Variants in SERINC2 observed in about 807,000 individuals in gnomAD.
The protein encoded by SERINC2 is serine incorporator 2.
A neutral mutation model predicts 54.2 loss-of-function variants in SERINC2; 56 were observed. The observed-to-expected ratio is 1.03, with a 90% CI of 0.83 to 1.29. The LOEUF is 1.29. SERINC2 is among the 50% of genes most tolerant of loss of function. The probability of loss-of-function intolerance (pLI) is 0.00; values close to 1 mark genes in which losing one functional copy is unlikely to be tolerated. For missense variants in SERINC2, 614 were observed against 607.4 expected (o/e 1.01, Z -0.12); for synonymous variants, 272 against 253.1 (o/e 1.07, Z -0.71).
intron 1 of SERINC2, among the ~76,000 whole-genome samples, chr1:31,415,397 C>T (rs781828917): frequency 6.6e-6 from 1 of 152,176 alleles, no homozygotes; most frequent in African/African-American, 2.4e-5. Context: ...GGTACTGTTC[C>T]GAGCCCCTCA....
At chr1:31,433,211 GA>G (rs781964391) in intron 9 of SERINC2, 26 bp downstream of exon 9, 1 of 1,589,360 alleles carries the variant, frequency 6.3e-7, no homozygotes, top group Non-Finnish European at 8.6e-7. Flanking sequence ...GGCATGGACA[GA>G]GCCCGGAGGT....
chr1:31,429,009 C>A lies in SERINC2; in HGVS notation c.812C>A (p.Ala271Asp). ...DAQPNSGLLQ[A>D]SVITLYTMFV... ...CAGCCCAACTCGGGTCTGCTGCAGGCCTCGGTCATCACCCTCTACACCATG... is the reference window on the plus strand; with the variant it reads ...CAGCCCAACTCGGGTCTGCTGCAGGACTCGGTCATCACCCTCTACACCATG... The change falls in exon 7 of 10, where the codon GCC (alanine) becomes GAC (aspartate). Residue 271 changes from alanine (A) to aspartate (D), a missense_variant. By Grantham distance (126) the Ala-to-Asp change is moderately radical (BLOSUM62 -2). Coordinates refer to ENST00000373709, the MANE Select transcript of SERINC2 (RefSeq NM_178865.5). 6.2e-7 allele frequency: 1 copy of A among 1,614,008 alleles called. No homozygotes were observed. Among genetic ancestry groups the A allele is most frequent in the Non-Finnish European group, 8.5e-7 (1 of 1,179,988 alleles).
chr1:31,413,935 C>T lies in SERINC2; in HGVS notation c.39+631C>T. On this transcript the variant is annotated intron_variant, in intron 1 of 9. Coordinates refer to ENST00000373709, the MANE Select transcript of SERINC2 (RefSeq NM_178865.5). This position sits in a 1 kb window ranked among gnomAD's most constrained non-coding sequence, Gnocchi z 5.0. Reference sequence around the variant, plus strand: ...AGTCTCTCTGCGGTCCCTTTACCGTCCTCAGTCTGGCTCGCGCTGCCTCTC... The same window carrying T: ...AGTCTCTCTGCGGTCCCTTTACCGTTCTCAGTCTGGCTCGCGCTGCCTCTC... 3 of 1,522,732 alleles carry T rather than the reference C, an allele frequency of 2.0e-6. No individual in the cohort carries two copies. In the South Asian group the frequency reaches 3.6e-5, roughly 18 times the overall value. The allele number at this position is 1,522,732 out of a possible 1,614,324, so 94.3% of individuals were successfully genotyped here.
At position 31,423,973 on chromosome 1, in the gene SERINC2, A is replaced by G. The variant is rs1640966913; in HGVS notation, c.201+119A>G. 13 of 922,876 alleles carry G rather than the reference A, an allele frequency of 1.4e-5. 1 individual carries two copies. In the South Asian group the frequency reaches 1.4e-4, roughly 10 times the overall value. 57.2% of individuals were successfully genotyped at this position (922,876 alleles called of 1,614,324 possible). ...AAGAGGAGGCAGGGTGTTTGGGTGC[A>G]CTGATGATCTGAGGTTGGAAATGAG... On this transcript the variant is annotated intron_variant, in intron 2 of 9. Coordinates refer to ENST00000373709, the MANE Select transcript of SERINC2 (RefSeq NM_178865.5).
chr1:31,413,669 G>A lies in SERINC2; in HGVS notation c.39+365G>A, dbSNP rs1640701013. ...TCGCCCCACTTGGGGCGGTCCTCGG[G>A]GTGGCCTCTGTCCCCGTCCCGGACG... On this transcript the variant is annotated intron_variant, in intron 1 of 9. Transcript: ENST00000373709. This position sits in a 1 kb window ranked among gnomAD's most constrained non-coding sequence, Gnocchi z 5.0. 3.5e-6 allele frequency: 3 copies of A among 847,370 alleles called. No homozygotes were observed. Among genetic ancestry groups the A allele is most frequent in the Non-Finnish European group, 4.7e-6 (3 of 639,138 alleles). The allele number at this position is 847,370 out of a possible 1,614,324, so 52.5% of individuals were successfully genotyped here.
Position 31,425,758 on chromosome 1 carries a change from TCC to T in SERINC2, c.473-15_473-14del, listed in dbSNP as rs535704963. 9,957 of 1,610,696 alleles carry T rather than the reference TCC, an allele frequency of 6.2e-3. 110 individuals are homozygous for T. The highest frequency in any genetic ancestry group is 0.024 in the Middle Eastern group (119 of 4,950). ...GAGAGAGGGACCCTCCTCGCCTCAC[TCC>T]CCTCTCCCCACCCAGTCTGGTTCTA... On this transcript the variant is annotated splice_polypyrimidine_tract_variant and intron_variant, in intron 4 of 9. Coordinates refer to ENST00000373709, the MANE Select transcript of SERINC2 (RefSeq NM_178865.5).
chr1:31,413,201 C>T, upstream of SERINC2: 1 of 1,057,942 alleles, frequency 9.5e-7, no homozygotes, highest in Non-Finnish European at 1.1e-6. The surrounding 1 kb of genome is among the most constrained non-coding windows in gnomAD (Gnocchi z 5.0). Context: ...CCAGGCCCGG[C>T]ACCCGGATCC....
chr1:31,426,369 C>T (rs1641041808), intron 5 of SERINC2, among the ~76,000 whole-genome samples: 1 of 152,142 alleles, frequency 6.6e-6, no homozygotes. Flanking sequence ...ACAGGGAGGG[C>T]AGGTCAACAG....
At chr1:31,429,105 G>C (rs532126189) in intron 7 of SERINC2, 37 bp downstream of exon 7, 3 of 1,554,136 alleles carry the variant, frequency 1.9e-6, no homozygotes, top group Admixed American at 3.3e-5. Context: ...GCCTGGCCTC[G>C]TTCCTGGGTC....
At position 31,413,887 on chromosome 1, in the gene SERINC2, G is replaced by T. The variant is rs2148509878; in HGVS notation, c.39+583G>T. ...TCCGTCTGCTGTCTTCTGTCCGTCT[G>T]CCCGTCCGCCCGTCCGTCCCTCAGT... On this transcript the variant is annotated intron_variant, in intron 1 of 9. Coordinates refer to ENST00000373709, the MANE Select transcript of SERINC2 (RefSeq NM_178865.5). The surrounding 1 kb of genome is among the most constrained non-coding windows in gnomAD (Gnocchi z 5.0). 5 of 1,442,812 alleles carry T rather than the reference G, an allele frequency of 3.5e-6. No individual in the cohort carries two copies. The East Asian group carries it at 8.8e-5, about 25-fold the overall frequency. The allele number at this position is 1,442,812 out of a possible 1,614,324, so 89.4% of individuals were successfully genotyped here.
chr1:31,415,980 A>G, intron 1 of SERINC2: 1 of 906,742 alleles, frequency 1.1e-6, no homozygotes, highest in Non-Finnish European at 1.3e-6. Flanking sequence ...CCGCCGGCAC[A>G]TGATGACTTG....
At chr1:31,421,738 G>A (rs1640905667) in intron 1 of SERINC2, among the ~76,000 whole-genome samples, 1 of 152,158 alleles carries the variant, frequency 6.6e-6, no homozygotes. Flanking sequence ...CCCTCGAGTG[G>A]GTGCCCACCG....
intron 8 of SERINC2, among the ~76,000 whole-genome samples, chr1:31,431,810 TGGACAGGG>T (rs1641226042): frequency 6.9e-6 from 1 of 145,038 alleles, no homozygotes; most frequent in African/African-American, 2.5e-5. Flanking sequence ...GTGGACAGGG[TGGACAGGG>T]TGGATAGGGT....
At chr1:31,410,421 G>A (rs782812778), upstream of SERINC2, 85 of 1,549,796 alleles carry the variant, frequency 5.5e-5, 1 homozygote, top group South Asian at 3.5e-4. Flanking sequence ...GGAGTCACCC[G>A]GACCCAGCCA....
In SERINC2 at chr1:31,434,529, A is replaced by G. The variant is rs1405900726; in HGVS notation, c.*330A>G. The stretch of plus-strand genomic sequence containing the variant: ...CCACGGGAGCGGGGCTGCTGGAGAG[A>G]GCGGGGAACTCCCACCACAGTGGGG... On this transcript the variant is annotated 3_prime_UTR_variant, in exon 10 of 10. Transcript: ENST00000373709. The G allele has an allele frequency of 1.5e-5, 5 of 323,554 alleles. No homozygotes were observed. Among genetic ancestry groups the G allele is most frequent in the Non-Finnish European group, 2.9e-5 (5 of 173,662 alleles). The allele number at this position is 323,554 out of a possible 1,614,324, so 20.0% of individuals were successfully genotyped here.
rs1557500371 is a variant in SERINC2 at position 31,431,941 on chromosome 1, AGGGTGGTTAGGG to A, written c.1014-1025_1014-1014del. On this transcript the variant is annotated intron_variant, in intron 8 of 9. Coordinates refer to ENST00000373709, the MANE Select transcript of SERINC2 (RefSeq NM_178865.5). Reference sequence around the variant, plus strand: ...GGTGGTTAGGGTGGATAGGGTGGTTAGGGTGGTTAGGGTGGTTAGGGTGGATAGGGTGGATAG... The same window carrying A: ...GGTGGTTAGGGTGGATAGGGTGGTTATGGTTAGGGTGGATAGGGTGGATAG... Among the ~76,000 whole-genome samples the A allele has an allele frequency of 1.2e-3, 144 of 125,030 alleles. 7 individuals are homozygous for A. Among genetic ancestry groups the A allele is most frequent in the Middle Eastern group, 9.0e-3 (2 of 222 alleles). The allele number at this position is 125,030 out of a possible 152,430, so 82.0% of individuals were successfully genotyped here.
In SERINC2 at chr1:31,413,989, T is replaced by C. The variant is rs1461862253; in HGVS notation, c.39+685T>C. The C allele has an allele frequency of 5.2e-6, 8 of 1,528,928 alleles. No homozygotes were observed. The African/African-American group carries it at 1.1e-4, about 21-fold the overall frequency. 94.7% of individuals were successfully genotyped at this position (1,528,928 alleles called of 1,614,324 possible). ...CACTTCCCCAGCTCGCCCCGGATCA[T>C]CTGGGCCCCAGCGCGGAGACTGGGA... On this transcript the variant is annotated intron_variant, in intron 1 of 9. Transcript: ENST00000373709. This position sits in a 1 kb window ranked among gnomAD's most constrained non-coding sequence, Gnocchi z 5.0.
chr1:31,426,118 A>T (rs782663424), intron 5 of SERINC2: 18 of 577,108 alleles, frequency 3.1e-5, no homozygotes, highest in Non-Finnish European at 4.5e-5. Context: ...AGGAGAGCTG[A>T]CCTGGAGAGG....
At chr1:31,409,787 GCGAAGCCCAA>G, upstream of SERINC2, 2 of 1,545,366 alleles carry the variant, frequency 1.3e-6, no homozygotes, top group Non-Finnish European at 1.8e-6. Context: ...AGTACAGACA[GCGAAGCCCAA>G]GGGATAGGAG....
Sources: allele counts gnomAD v4.1 joint callset (sites outside exome capture counted in the v4.1 genomes callset), GRCh38; gene constraint gnomAD v4.1.1; non-coding constraint Gnocchi (gnomAD v3.1); transcripts MANE v1.5; gene names NCBI Gene and HGNC (gene_info 2026-07-23, HGNC 2026-07-21).